EXOC4: variants seen among roughly 807,000 people sequenced by gnomAD.
The protein encoded by EXOC4 is SEC8-like 1.
EXOC4 carries 71 observed loss-of-function variants against 107.2 expected under a neutral mutation model. That is an observed-to-expected ratio of 0.66 (90% CI 0.55 to 0.81). The LOEUF is 0.81. Among genes scored for constraint, EXOC4 ranks in the 30% least tolerant of loss-of-function variants. The pLI is 0.00. For missense variants in EXOC4, 1,108 were observed against 1,189.6 expected (o/e 0.93, Z 1.01); for synonymous variants, 456 against 441.2 (o/e 1.03, Z -0.42).
At chr7:133,300,239 C>T (rs1794613200) in intron 3 of EXOC4, among the ~76,000 whole-genome samples, 1 of 152,176 alleles carries the variant, frequency 6.6e-6, no homozygotes, top group Non-Finnish European at 1.5e-5. Context: ...ATTCTTGCTC[C>T]AGGCACTTGG....
At chr7:133,555,849 T>A (rs1563106624) in intron 9 of EXOC4, among the ~76,000 whole-genome samples, 1 of 152,208 alleles carries the variant, frequency 6.6e-6, no homozygotes, top group African/African-American at 2.4e-5. Flanking sequence ...ATACATTAGG[T>A]TGTTTCTGAT....
chr7:133,887,559 G>A (rs769431393), intron 11 of EXOC4, among the ~76,000 whole-genome samples: 1 of 152,134 alleles, frequency 6.6e-6, no homozygotes. Context: ...AGTCATGGGG[G>A]CCAACAGAGT....
chr7:133,405,653 T>C (rs1359229330), intron 7 of EXOC4, among the ~76,000 whole-genome samples: 1 of 152,196 alleles, frequency 6.6e-6, no homozygotes, highest in African/African-American at 2.4e-5. Flanking sequence ...AAACTGCAGA[T>C]TGTACCAAAC....
intron 10 of EXOC4, among the ~76,000 whole-genome samples, chr7:133,649,838 C>T (rs11763756): frequency 0.56 from 85,228 of 151,822 alleles, 24,539 homozygotes; most frequent in East Asian, 0.79. Context: ...TTGATGCTGT[C>T]ATTGGAATGA....
At chr7:133,521,620 G>A (rs969650098) in intron 9 of EXOC4, among the ~76,000 whole-genome samples, 5 of 150,302 alleles carry the variant, frequency 3.3e-5, no homozygotes, top group African/African-American at 4.9e-5. Flanking sequence ...TTTTTTGTTC[G>A]TTTGTTTGCT....
At chr7:133,507,351 A>G (rs1469848795) in intron 9 of EXOC4, among the ~76,000 whole-genome samples, 1 of 152,200 alleles carries the variant, frequency 6.6e-6, no homozygotes, top group East Asian at 1.9e-4. Flanking sequence ...TAGCAACATG[A>G]CTGCTTTTCT....
intron 7 of EXOC4, among the ~76,000 whole-genome samples, chr7:133,427,721 T>C (rs929553342): frequency 2.0e-4 from 31 of 152,204 alleles, no homozygotes; most frequent in Admixed American, 4.6e-4. Context: ...TCTCCATCAA[T>C]TGCCGTGGTA....
At chr7:133,991,116 G>A (rs1474530044) in intron 14 of EXOC4, among the ~76,000 whole-genome samples, 1 of 152,074 alleles carries the variant, frequency 6.6e-6, no homozygotes, top group Non-Finnish European at 1.5e-5. Flanking sequence ...ATTCTCACTG[G>A]TGTGAGATGA....
At chr7:133,729,923 T>C (rs996983851) in intron 10 of EXOC4, among the ~76,000 whole-genome samples, 4 of 151,914 alleles carry the variant, frequency 2.6e-5, no homozygotes, top group African/African-American at 9.7e-5. Flanking sequence ...ATACGATACA[T>C]TAAATCTTTA....
At chr7:133,748,067 T>C (rs975879166) in intron 10 of EXOC4, among the ~76,000 whole-genome samples, 2 of 152,172 alleles carry the variant, frequency 1.3e-5, no homozygotes, top group African/African-American at 4.8e-5. Context: ...CCCGGGGGCA[T>C]ATACCTAAAT....
At chr7:133,821,715 C>T (rs1797525870) in intron 11 of EXOC4, among the ~76,000 whole-genome samples, 1 of 152,120 alleles carries the variant, frequency 6.6e-6, no homozygotes, top group African/African-American at 2.4e-5. Context: ...AGGTAAAGCA[C>T]AGAACCATCA....
intron 17 of EXOC4, among the ~76,000 whole-genome samples, chr7:134,036,818 T>G (rs1435822456): frequency 6.6e-6 from 1 of 152,190 alleles, no homozygotes; most frequent in Non-Finnish European, 1.5e-5. Flanking sequence ...AGAGCTTGAA[T>G]CCCACATTTT....
At chr7:133,844,388 T>C (rs1264324307) in intron 11 of EXOC4, among the ~76,000 whole-genome samples, 30 of 104,190 alleles carry the variant, frequency 2.9e-4, no homozygotes, top group Admixed American at 1.4e-3. Context: ...CTTTTTTTTT[T>C]TTTTTTTTTT....
At chr7:133,824,110 T>C (rs1011395100) in intron 11 of EXOC4, among the ~76,000 whole-genome samples, 3 of 150,496 alleles carry the variant, frequency 2.0e-5, no homozygotes, top group Non-Finnish European at 3.0e-5. Context: ...TTAACTTCTC[T>C]GTACCTATTT....
In EXOC4 at chr7:133,999,653, C is replaced by T. The variant is rs557171446; in HGVS notation, c.2348+2020C>T. ...AAAAATACCAAGTAATATTCTAATG[C>T]CGCTGTTACCTGAGTTACAAAGGAA... is the stretch of plus-strand genomic sequence containing the variant. On this transcript the variant is annotated intron_variant, in intron 15 of 17. Coordinates refer to ENST00000253861, the MANE Select transcript of EXOC4 (RefSeq NM_021807.4). Among the ~76,000 whole-genome samples the T allele has an allele frequency of 6.2e-4, 94 of 152,170 alleles. 2 individuals are homozygous for T. The South Asian group carries it at 0.018, about 30-fold the overall frequency.
Position 133,353,969 on chromosome 7 carries a change from T to C in EXOC4, c.764-2361T>C, listed in dbSNP as rs117455522. 8.5e-3 allele frequency among the ~76,000 whole-genome samples: 1,298 copies of C among 152,218 alleles called. 7 individuals are homozygous for C. Among genetic ancestry groups the C allele is most frequent in the Non-Finnish European group, 0.013 (853 of 68,000 alleles). Reference sequence around the variant, plus strand: ...TCAAGAATTTCTTATTCTTTTTATTTTTTTAGTTCTTATATCTCTTTATTG... The same window carrying C: ...TCAAGAATTTCTTATTCTTTTTATTCTTTTAGTTCTTATATCTCTTTATTG... On this transcript the variant is annotated intron_variant, in intron 5 of 17. Transcript: ENST00000253861.
chr7:133,594,214 G>C (rs1169172973), intron 9 of EXOC4, among the ~76,000 whole-genome samples: 1 of 152,170 alleles, frequency 6.6e-6, no homozygotes, highest in South Asian at 2.1e-4. Context: ...GTTGATGTGT[G>C]AGTCTTTGTA....
At chr7:133,464,811 G>T (rs796168015) in intron 7 of EXOC4, among the ~76,000 whole-genome samples, 11,728 of 52,950 alleles carry the variant, frequency 0.22, 2,486 homozygotes, top group East Asian at 0.46. Context: ...GGTTGGGTTG[G>T]TTTTTTTTTT....
At chr7:134,052,458 G>T (rs56682671) in intron 17 of EXOC4, among the ~76,000 whole-genome samples, 38,762 of 151,630 alleles carry the variant, frequency 0.26, 5,294 homozygotes, top group African/African-American at 0.35. Context: ...CTCTTCTTCT[G>T]AGTCAAGAGG....
Sources: gnomAD v4.1 joint callset for allele counts (sites outside exome capture counted in the v4.1 genomes callset) on GRCh38, gnomAD v4.1.1 for gene constraint, MANE v1.5 for transcripts, NCBI Gene and HGNC (gene_info 2026-07-23, HGNC 2026-07-21) for gene names.